Variants in FOXP2 observed in about 807,000 individuals in gnomAD.
FOXP2 encodes the protein forkhead box protein P2.
FOXP2 carries 12 observed loss-of-function variants against 115.8 expected under a neutral mutation model. The ratio of observed to expected loss-of-function variants is 0.10; its 90% confidence interval spans 0.07 to 0.17. The LOEUF is 0.17. Ranked by LOEUF, FOXP2 falls within the 10% of genes least tolerant of loss-of-function variation. FOXP2 has a pLI of 1.00. For missense variants in FOXP2, 629 were observed against 843.5 expected (o/e 0.75, Z 3.15); for synonymous variants, 328 against 297.7 (o/e 1.10, Z -1.05).
chr7:114,295,041 T>G, intron 2 of FOXP2, among the ~76,000 whole-genome samples: 1 of 152,252 alleles, frequency 6.6e-6, no homozygotes, highest in African/African-American at 2.4e-5. Context: ...CGATAACTTG[T>G]TCATATTTTT....
intron 3 of FOXP2, among the ~76,000 whole-genome samples, chr7:114,622,421 A>G (rs1190891907): frequency 2.0e-5 from 3 of 151,926 alleles, no homozygotes; most frequent in Non-Finnish European, 2.9e-5. Flanking sequence ...AGCGAAGAAT[A>G]AGAACCAGGA....
chr7:114,656,903 T>C (rs997137113), intron 10 of FOXP2, among the ~76,000 whole-genome samples: 1 of 152,038 alleles, frequency 6.6e-6, no homozygotes, highest in African/African-American at 2.4e-5. Flanking sequence ...TCTTAAGAAG[T>C]GTATTTGGGA....
intron 1 of FOXP2, among the ~76,000 whole-genome samples, chr7:114,230,788 A>T (rs1040525741): frequency 1.3e-5 from 2 of 152,024 alleles, no homozygotes; most frequent in Non-Finnish European, 2.9e-5. Context: ...AAAAGCTAAA[A>T]GCTTTTCCTC....
intron 1 of FOXP2, among the ~76,000 whole-genome samples, chr7:114,255,387 A>T (rs1374687992): frequency 1.3e-5 from 2 of 152,126 alleles, no homozygotes; most frequent in African/African-American, 4.8e-5. Context: ...CTGCCATCAG[A>T]GGTGGAGTCT....
intron 1 of FOXP2, among the ~76,000 whole-genome samples, chr7:114,199,204 A>G (rs1298741191): frequency 6.6e-6 from 1 of 152,072 alleles, no homozygotes; most frequent in East Asian, 1.9e-4. Context: ...TTTCACCTGA[A>G]AATTTTCTTC....
intron 1 of FOXP2, among the ~76,000 whole-genome samples, chr7:114,236,896 G>T (rs1795021464): frequency 6.6e-6 from 1 of 152,122 alleles, no homozygotes; most frequent in Non-Finnish European, 1.5e-5. Context: ...AGAATTGCTT[G>T]AACCCAGGAG....
chr7:114,192,277 G>A (rs1178324162), intron 1 of FOXP2, among the ~76,000 whole-genome samples: 2 of 152,102 alleles, frequency 1.3e-5, no homozygotes, highest in Admixed American at 6.6e-5. Flanking sequence ...GAGCCACTGC[G>A]CCCGGCCTCT....
intron 16 of FOXP2, among the ~76,000 whole-genome samples, chr7:114,673,105 A>G (rs1807581740): frequency 6.6e-6 from 1 of 152,202 alleles, no homozygotes; most frequent in East Asian, 1.9e-4. Context: ...CAATAATACA[A>G]TTTTTGGATT....
chr7:114,087,869 G>T (rs1217290697), intron 1 of FOXP2: 1 of 152,162 alleles, frequency 6.6e-6, no homozygotes, highest in African/African-American at 2.4e-5. Flanking sequence ...GGCGCATGGG[G>T]TGACGCTTTG....
At chr7:114,207,211 T>C (rs1303758876) in intron 1 of FOXP2, among the ~76,000 whole-genome samples, 1 of 152,256 alleles carries the variant, frequency 6.6e-6, no homozygotes, top group Non-Finnish European at 1.5e-5. Context: ...CATTCGGTAG[T>C]TGATGGACAT....
rs183217255 is a variant in FOXP2, at chr7:114,514,871, C to T, written c.169-19746C>T. Among the ~76,000 whole-genome samples the T allele has an allele frequency of 8.0e-3, 1,210 of 150,894 alleles. 11 individuals are homozygous for T. Among genetic ancestry groups the T allele is most frequent in the Non-Finnish European group, 0.012 (785 of 67,792 alleles). On this transcript the variant is annotated intron_variant, in intron 2 of 16. Coordinates refer to ENST00000350908, the MANE Select transcript of FOXP2 (RefSeq NM_014491.4). ...TCCTAAAGCTATCCCTCCCCCTTCC[C>T]CCCACCCCACAACAGTCCTCAGAGT... is the stretch of plus-strand genomic sequence containing the variant.
intron 16 of FOXP2, among the ~76,000 whole-genome samples, chr7:114,681,890 A>G (rs1808101480): frequency 6.6e-6 from 1 of 152,184 alleles, no homozygotes; most frequent in African/African-American, 2.4e-5. Context: ...CACTTTAGAA[A>G]GAGGTACTGA....
At chr7:114,147,404 G>A (rs1320381432) in intron 1 of FOXP2, among the ~76,000 whole-genome samples, 1 of 152,066 alleles carries the variant, frequency 6.6e-6, no homozygotes, top group Non-Finnish European at 1.5e-5. Flanking sequence ...ACACATTAGT[G>A]CCATGATGTA....
In FOXP2 at chr7:114,399,120, T is replaced by C. The variant is rs529717456; in HGVS notation, c.-10-27382T>C. ...TGACTTTCTTTTTCTTTTTCTTTTT[T>C]TTTTTTTTGAGACAGAGAGTCCTGT... is the stretch of plus-strand genomic sequence containing the variant. On this transcript the variant is annotated intron_variant, in intron 2 of 17. Transcript: ENST00000634411. Among the ~76,000 whole-genome samples, 196 of 151,340 alleles carry C rather than the reference T, an allele frequency of 1.3e-3. 1 individual carries two copies. Among genetic ancestry groups the C allele is most frequent in the African/African-American group, 4.5e-3 (187 of 41,340 alleles).
chr7:114,474,541 T>A (rs1384253077), intron 2 of FOXP2, among the ~76,000 whole-genome samples: 1 of 152,172 alleles, frequency 6.6e-6, no homozygotes, highest in Non-Finnish European at 1.5e-5. Flanking sequence ...TTTATTTTTA[T>A]TGATTTTAAA....
chr7:114,227,526 TAA>T (rs1794771993), intron 1 of FOXP2, among the ~76,000 whole-genome samples: 1 of 151,810 alleles, frequency 6.6e-6, no homozygotes, highest in Non-Finnish European at 1.5e-5. Context: ...CTGGGAGTTC[TAA>T]GTCTTTCTTG....
intron 3 of FOXP2, among the ~76,000 whole-genome samples, chr7:114,599,537 C>T (rs1481608331): frequency 6.6e-6 from 1 of 152,040 alleles, no homozygotes; most frequent in Non-Finnish European, 1.5e-5. Flanking sequence ...GGATTTTCTA[C>T]TATTTTTGGT....
chr7:114,429,868 T>G (rs1794027099), intron 2 of FOXP2, among the ~76,000 whole-genome samples: 1 of 151,676 alleles, frequency 6.6e-6, no homozygotes, highest in Admixed American at 6.6e-5. Flanking sequence ...ATAGCGACAT[T>G]TGTGTCTTAA....
At chr7:114,488,829 T>A (rs1562956015) in intron 2 of FOXP2, among the ~76,000 whole-genome samples, 1 of 152,194 alleles carries the variant, frequency 6.6e-6, no homozygotes, top group Admixed American at 6.5e-5. Flanking sequence ...AACCCCCTTA[T>A]AACTTCTGAA....
Sources: allele counts gnomAD v4.1 joint callset (sites outside exome capture counted in the v4.1 genomes callset), GRCh38; gene constraint gnomAD v4.1.1; transcripts MANE v1.5; gene names NCBI Gene and HGNC (gene_info 2026-07-23, HGNC 2026-07-21).